Variants in ZMIZ1 observed in about 807,000 individuals in gnomAD.
The protein encoded by ZMIZ1 is zinc finger MIZ domain-containing protein 1.
A neutral mutation model predicts 113.9 loss-of-function variants in ZMIZ1; 17 were observed. That is an observed-to-expected ratio of 0.15 (90% CI 0.10 to 0.22). The LOEUF is 0.22. Ranked by LOEUF, ZMIZ1 falls within the 10% of genes least tolerant of loss-of-function variation. The pLI, the probability that ZMIZ1 is intolerant of heterozygous loss-of-function variation, is 1.00. For synonymous variants in ZMIZ1, 607 were observed against 603.1 expected (o/e 1.01, Z -0.09); for missense variants, 1,059 against 1,477.8 (o/e 0.72, Z 4.65).
At chr10:79,300,685 A>ACAG (rs1854236636) in intron 16 of ZMIZ1, 47 bp from the exon 17 acceptor site, 1 of 1,573,942 alleles carries the variant, frequency 6.4e-7, no homozygotes, top group Non-Finnish European at 8.6e-7. Context: ...GAGGCCATGG[A>ACAG]CAGCCCCCTG....
chr10:79,137,971 G>C (rs939678831), intron 2 of ZMIZ1, among the ~76,000 whole-genome samples: 5 of 152,168 alleles, frequency 3.3e-5, no homozygotes, highest in African/African-American at 1.2e-4. Context: ...AACCGATCTG[G>C]CTTCAGGAAG....
chr10:79,077,507 TTTCCATCGAAAAATGGTG>T (rs1353608702), intron 1 of ZMIZ1, among the ~76,000 whole-genome samples: 107 of 152,090 alleles, frequency 7.0e-4, no homozygotes, highest in African/African-American at 2.5e-3. Flanking sequence ...GGGGTGGGGT[TTTCCATCGAAAAATGGTG>T]TTCCATCGAA....
chr10:79,226,346 C>T (rs1007083095), intron 7 of ZMIZ1, among the ~76,000 whole-genome samples: 1 of 152,058 alleles, frequency 6.6e-6, no homozygotes, highest in Non-Finnish European at 1.5e-5. Context: ...AACAGCTTCT[C>T]TGGAGATGCA....
At chr10:79,082,755 T>C (rs1564640029) in intron 1 of ZMIZ1, among the ~76,000 whole-genome samples, 1 of 152,230 alleles carries the variant, frequency 6.6e-6, no homozygotes, top group Non-Finnish European at 1.5e-5. Flanking sequence ...CTGCTACTTT[T>C]CCCTCAGGGC....
chr10:79,077,225 G>T (rs1013890062), intron 1 of ZMIZ1, among the ~76,000 whole-genome samples: 1 of 152,008 alleles, frequency 6.6e-6, no homozygotes, highest in Non-Finnish European at 1.5e-5. Context: ...CCTACTCCCC[G>T]GTGGACCTTG....
intron 2 of ZMIZ1, among the ~76,000 whole-genome samples, chr10:79,128,696 C>G (rs1344680230): frequency 1.3e-5 from 2 of 152,168 alleles, no homozygotes; most frequent in African/African-American, 4.8e-5. Flanking sequence ...TCCCTGAAAA[C>G]AGGGTATGCT....
chr10:79,133,672 C>T (rs1005126423), intron 2 of ZMIZ1, among the ~76,000 whole-genome samples: 4 of 152,182 alleles, frequency 2.6e-5, no homozygotes, highest in Non-Finnish European at 4.4e-5. Context: ...CTAAGCACCC[C>T]CCTCCCCCTT....
intron 7 of ZMIZ1, among the ~76,000 whole-genome samples, chr10:79,259,424 C>T (rs1851119600): frequency 6.6e-6 from 1 of 152,170 alleles, no homozygotes; most frequent in Non-Finnish European, 1.5e-5. Context: ...AGGGCTTCAT[C>T]GTGCACCGTG....
intron 7 of ZMIZ1, among the ~76,000 whole-genome samples, chr10:79,218,066 G>A (rs181496738): frequency 6.6e-6 from 1 of 152,210 alleles, no homozygotes; most frequent in Non-Finnish European, 1.5e-5. Flanking sequence ...CAGAGCAGGG[G>A]CCACCAAGCT....
chr10:79,120,148 G>C (rs1056422282), intron 2 of ZMIZ1, among the ~76,000 whole-genome samples: 2 of 152,196 alleles, frequency 1.3e-5, no homozygotes, highest in Non-Finnish European at 2.9e-5. Context: ...TGCACACACA[G>C]ACATGAGTGG....
chr10:79,306,417 G>A lies in ZMIZ1; in HGVS notation c.2668+73G>A, dbSNP rs1422289923. On this transcript the variant is annotated intron_variant, in intron 22 of 24. Transcript: ENST00000334512. ...GTCCCTGCAGAGGCACAGAATTTCTGTGCTGATGGTGGCAGGGGTCGGGGG... is the reference window on the plus strand; with the variant it reads ...GTCCCTGCAGAGGCACAGAATTTCTATGCTGATGGTGGCAGGGGTCGGGGG... The A allele has an allele frequency of 7.7e-6, 12 of 1,567,594 alleles. No homozygotes were observed. The Admixed American group carries it at 1.1e-4, about 14-fold the overall frequency.
chr10:79,141,856 T>C (rs1379945024), intron 3 of ZMIZ1, among the ~76,000 whole-genome samples: 3 of 152,258 alleles, frequency 2.0e-5, no homozygotes, highest in South Asian at 4.1e-4. Context: ...AGAGAGATCA[T>C]GGAGGACCCA....
At chr10:79,076,585 C>T (rs1159227544) in intron 1 of ZMIZ1, among the ~76,000 whole-genome samples, 1 of 152,228 alleles carries the variant, frequency 6.6e-6, no homozygotes, top group African/African-American at 2.4e-5. Context: ...CCTGTAATCT[C>T]AGCACTCTGG....
chr10:79,129,840 GCA>G (rs1844675778), intron 2 of ZMIZ1, among the ~76,000 whole-genome samples: 1 of 152,252 alleles, frequency 6.6e-6, no homozygotes, highest in South Asian at 2.1e-4. Context: ...TTGATGGAGT[GCA>G]CTGCTGACAA....
At chr10:79,243,889 C>G (rs1850028588) in intron 7 of ZMIZ1, among the ~76,000 whole-genome samples, 1 of 152,192 alleles carries the variant, frequency 6.6e-6, no homozygotes, top group Admixed American at 6.5e-5. Flanking sequence ...GGTGTCAGCC[C>G]CAGGCTTGGC....
chr10:79,116,203 G>C (rs1844021631), intron 1 of ZMIZ1, among the ~76,000 whole-genome samples: 1 of 152,066 alleles, frequency 6.6e-6, no homozygotes, highest in Non-Finnish European at 1.5e-5. Context: ...TTGGGTGCTG[G>C]CAGCTGACCT....
chr10:79,293,305 C>A, intron 11 of ZMIZ1, 76 bp from the exon 12 acceptor site: 4 of 1,462,104 alleles, frequency 2.7e-6, no homozygotes, highest in Non-Finnish European at 3.7e-6. Context: ...ACCCTTCCCT[C>A]CCTGCACTTT....
intron 4 of ZMIZ1, among the ~76,000 whole-genome samples, chr10:79,191,053 G>A (rs1223851495): frequency 6.6e-6 from 1 of 152,208 alleles, no homozygotes; most frequent in African/African-American, 2.4e-5. Context: ...GGAGAGTGCA[G>A]TGATTGATTA....
At chr10:79,128,161 C>T (rs1844596227) in intron 2 of ZMIZ1, among the ~76,000 whole-genome samples, 1 of 152,172 alleles carries the variant, frequency 6.6e-6, no homozygotes, top group Non-Finnish European at 1.5e-5. Context: ...CCTTTTCTCC[C>T]TGGGTGCAGT....
Sources: allele counts gnomAD v4.1 joint callset (sites outside exome capture counted in the v4.1 genomes callset), GRCh38; gene constraint gnomAD v4.1.1; transcripts MANE v1.5; gene names NCBI Gene and HGNC (gene_info 2026-07-23, HGNC 2026-07-21).